The following CRB1 variants were observed in gnomAD, a reference collection of about 807,000 sequenced individuals.
CRB1 encodes the protein protein crumbs homolog 1.
A neutral mutation model predicts 120.0 loss-of-function variants in CRB1; 83 were observed. The ratio of observed to expected loss-of-function variants is 0.69; its 90% confidence interval spans 0.58 to 0.83. The LOEUF is 0.83. Among genes scored for constraint, CRB1 ranks in the 40% least tolerant of loss-of-function variants. The probability of loss-of-function intolerance (pLI) is 0.00; values close to 1 mark genes in which losing one functional copy is unlikely to be tolerated. For synonymous variants in CRB1, 625 were observed against 612.5 expected (o/e 1.02, Z -0.30); for missense variants, 1,699 against 1,687.6 (o/e 1.01, Z -0.12).
the CRB1 span, among the ~76,000 whole-genome samples, chr1:197,239,569 A>G: frequency 6.6e-6 from 1 of 151,878 alleles, no homozygotes; most frequent in African/African-American, 2.4e-5. Flanking sequence ...ATCTGTCTAT[A>G]TTGTCATAGT....
intron 1 of CRB1, among the ~76,000 whole-genome samples, chr1:197,279,511 CA>C (rs1192965568): frequency 2.7e-5 from 4 of 148,820 alleles, no homozygotes; most frequent in African/African-American, 7.4e-5. Context: ...CTCATTATAT[CA>C]AATTTTTTTT....
intron 11 of CRB1, among the ~76,000 whole-genome samples, chr1:197,470,777 G>T (rs757465889): frequency 1.3e-5 from 2 of 152,240 alleles, no homozygotes; most frequent in Non-Finnish European, 2.9e-5. Context: ...GATGGCTCCT[G>T]CCAGGGACTG....
At position 197,328,712 on chromosome 1, in the gene CRB1, C is replaced by T; in HGVS notation, c.361C>T (p.His121Tyr). The T allele has an allele frequency of 2.5e-6, 4 of 1,612,660 alleles. No homozygotes were observed. Among genetic ancestry groups the T allele is most frequent in the Non-Finnish European group, 3.4e-6 (4 of 1,178,888 alleles). ...IGSCGKNSCQ[H>Y]GGICHQDPIY... ...TTCCTGTGGCAAGAACTCCTGCCAACATGGAGGTATTTGCCATCAGGACCC... is the reference window on the plus strand; with the variant it reads ...TTCCTGTGGCAAGAACTCCTGCCAATATGGAGGTATTTGCCATCAGGACCC... Residue 121 changes from histidine (H) to tyrosine (Y), a missense_variant, in exon 2 of 12, where the codon CAT (histidine) becomes TAT (tyrosine). Physicochemically the swap from His to Tyr is moderately conservative, Grantham distance 83. Transcript: ENST00000367400.
chr1:197,283,364 A>G (rs933073348), intron 1 of CRB1, among the ~76,000 whole-genome samples: 3 of 151,586 alleles, frequency 2.0e-5, no homozygotes, highest in East Asian at 3.9e-4. Flanking sequence ...CACTGAACCC[A>G]ATGTGTAGTC....
At chr1:197,430,493 A>G (rs1012570720) in intron 8 of CRB1, among the ~76,000 whole-genome samples, 9 of 151,888 alleles carry the variant, frequency 5.9e-5, no homozygotes, top group Non-Finnish European at 2.9e-5. Context: ...GGAGTAAAAA[A>G]CCCTTTAATG....
At chr1:197,339,344 A>G (rs186213212) in intron 2 of CRB1, among the ~76,000 whole-genome samples, 1 of 152,348 alleles carries the variant, frequency 6.6e-6, no homozygotes, top group East Asian at 1.9e-4. Context: ...ACCGAATGCT[A>G]CAGTTCCACA....
intron 5 of CRB1, among the ~76,000 whole-genome samples, chr1:197,409,009 G>A (rs533539100): frequency 1.3e-5 from 2 of 152,276 alleles, no homozygotes; most frequent in South Asian, 2.1e-4. Context: ...TTTGTCTTTC[G>A]TTTGAAGATC....
At position 197,420,854 on chromosome 1, in the gene CRB1, C is replaced by G; in HGVS notation, c.1172-146C>G. ...GAATATAGAATTGATTTTACTTTTC[C>G]TTATTAAGTGTTTACATTTTACTCC... On this transcript the variant is annotated intron_variant, in intron 5 of 11. Transcript: ENST00000367400. 15 of 651,794 alleles carry G rather than the reference C, an allele frequency of 2.3e-5. No homozygotes were observed. The East Asian group carries it at 4.0e-4, about 18-fold the overall frequency. 40.4% of individuals were successfully genotyped at this position (651,794 alleles called of 1,614,324 possible).
chr1:197,315,145 A>C (rs1457555224), intron 1 of CRB1, among the ~76,000 whole-genome samples: 1 of 152,204 alleles, frequency 6.6e-6, no homozygotes, highest in African/African-American at 2.4e-5. Flanking sequence ...ATAGTTCTGC[A>C]CTAACAGTGC....
chr1:197,386,052 G>A (rs1219599949), intron 5 of CRB1, among the ~76,000 whole-genome samples: 1 of 151,778 alleles, frequency 6.6e-6, no homozygotes, highest in African/African-American at 2.4e-5. Context: ...TATGTCTAGG[G>A]GCTAAAACCG....
chr1:197,256,177 T>G, the CRB1 span, among the ~76,000 whole-genome samples: 1 of 151,248 alleles, frequency 6.6e-6, no homozygotes, highest in Non-Finnish European at 1.5e-5. Flanking sequence ...TTTGACTTAG[T>G]AGTAGATGAC....
At chr1:197,285,618 C>T (rs1205056433) in intron 1 of CRB1, among the ~76,000 whole-genome samples, 1 of 151,782 alleles carries the variant, frequency 6.6e-6, no homozygotes, top group Non-Finnish European at 1.5e-5. Context: ...CTGTTGAAGC[C>T]AATGTGATAG....
rs189045455 is a variant in CRB1, at chr1:197,369,006, T to C, written c.1171+11993T>C. Among the ~76,000 whole-genome samples the C allele has an allele frequency of 5.9e-5, 9 of 152,160 alleles. No individual in the cohort carries two copies. In the East Asian group the frequency reaches 1.7e-3, roughly 29 times the overall value. The stretch of plus-strand genomic sequence containing the variant: ...TTTCCTGAGAATAGCCAAACGTTTG[T>C]TAGAGTAAGAAGCTGATGAAAATGT... On this transcript the variant is annotated intron_variant, in intron 5 of 11. Transcript: ENST00000367400.
Position 197,356,879 on chromosome 1 carries a change from A to G in CRB1, c.1037A>G (p.Asn346Ser). ...CEIDLNECNS[N>S]PCQSNGECVE... Reference sequence around the variant, plus strand: ...ATCGACCTCAATGAATGCAATAGTAACCCCTGCCAGTCCAATGGGGAATGT... The same window carrying G: ...ATCGACCTCAATGAATGCAATAGTAGCCCCTGCCAGTCCAATGGGGAATGT... The change falls in exon 5 of 12, where the codon AAC becomes AGC. Residue 346 changes from asparagine (N) to serine (S), a missense_variant. Physicochemically the swap from Asn to Ser is conservative, Grantham distance 46 (BLOSUM62 1). Coordinates refer to ENST00000367400, the MANE Select transcript of CRB1 (RefSeq NM_201253.3). 6.2e-7 allele frequency: 1 copy of G among 1,614,050 alleles called. No individual in the cohort carries two copies. Among genetic ancestry groups the G allele is most frequent in the Non-Finnish European group, 8.5e-7 (1 of 1,180,026 alleles).
At chr1:197,412,502 A>G (rs904914097) in intron 5 of CRB1, among the ~76,000 whole-genome samples, 7 of 152,204 alleles carry the variant, frequency 4.6e-5, no homozygotes, top group Non-Finnish European at 1.0e-4. Flanking sequence ...CTCCAAGTCC[A>G]TGTTTATTCT....
chr1:197,204,731 A>G, the CRB1 span, among the ~76,000 whole-genome samples: 1 of 152,096 alleles, frequency 6.6e-6, no homozygotes, highest in African/African-American at 2.4e-5. Flanking sequence ...GGTTGTCTGT[A>G]TACTCTGCTG....
At chr1:197,288,983 A>C (rs970750356) in intron 1 of CRB1, among the ~76,000 whole-genome samples, 22 of 151,570 alleles carry the variant, frequency 1.5e-4, no homozygotes, top group African/African-American at 5.3e-4. Context: ...AAAAAAAAAA[A>C]AAAACTTGAA....
At chr1:197,307,833 C>CCT (rs1657260749) in intron 1 of CRB1, among the ~76,000 whole-genome samples, 1 of 152,136 alleles carries the variant, frequency 6.6e-6, no homozygotes, top group Admixed American at 6.5e-5. Context: ...CATTCCAGAT[C>CCT]CTCTCTCTCC....
At chr1:197,258,578 CT>C in the CRB1 span, among the ~76,000 whole-genome samples, 3 of 152,172 alleles carry the variant, frequency 2.0e-5, no homozygotes, top group Non-Finnish European at 4.4e-5. Context: ...CTGTTCATCA[CT>C]CTCTTTCCTG....
Sources: allele counts gnomAD v4.1 joint callset (sites outside exome capture counted in the v4.1 genomes callset), GRCh38; gene constraint gnomAD v4.1.1; transcripts MANE v1.5; gene names NCBI Gene and HGNC (gene_info 2026-07-23, HGNC 2026-07-21).